Variants in HNMT observed in about 807,000 individuals in gnomAD.
HNMT encodes histamine N-methyltransferase.
A neutral mutation model predicts 32.1 loss-of-function variants in HNMT; 30 were observed. The ratio of observed to expected loss-of-function variants is 0.93; its 90% CI spans 0.70 to 1.27. The LOEUF is 1.27. HNMT is among the 50% of genes most tolerant of loss of function. The pLI is 0.00. For missense variants in HNMT, 327 were observed against 346.0 expected, an observed-to-expected ratio of 0.95 and a Z score of 0.43; for synonymous variants, 125 against 119.0, an observed-to-expected ratio of 1.05 and a Z score of -0.33.
At chr2:138,008,730 A>G (rs1406993454) in intron 5 of HNMT, among the ~76,000 whole-genome samples, 2 of 152,106 alleles carry the variant, frequency 1.3e-5, no homozygotes, top group African/African-American at 4.8e-5. Context: ...CATATGCAGA[A>G]GACTGAAGCC....
At chr2:138,005,303 C>T (rs1681298744) in intron 5 of HNMT, 78 bp downstream of exon 5, 4 of 808,942 alleles carry the variant, frequency 4.9e-6, no homozygotes, top group Non-Finnish European at 8.4e-6. Flanking sequence ...TTGAAAGAAG[C>T]TTATATATTT....
At chr2:137,998,579 CAT>C (rs1174067907) in intron 2 of HNMT, among the ~76,000 whole-genome samples, 1 of 152,148 alleles carries the variant, frequency 6.6e-6, no homozygotes, top group Non-Finnish European at 1.5e-5. Context: ...ATCCAGCACA[CAT>C]GAGCTTATAC....
chr2:137,985,580 A>G (rs1005332892), intron 2 of HNMT, among the ~76,000 whole-genome samples: 2 of 152,180 alleles, frequency 1.3e-5, no homozygotes, highest in Non-Finnish European at 2.9e-5. Flanking sequence ...GAGTCTGTCT[A>G]TGCATTCATG....
chr2:137,976,007 C>A (rs1680275037), intron 2 of HNMT, among the ~76,000 whole-genome samples: 2 of 152,200 alleles, frequency 1.3e-5, no homozygotes, highest in Non-Finnish European at 2.9e-5. Context: ...TGGCTCACGC[C>A]TGTAATCCCA....
chr2:137,967,817 C>CT (rs1382608189), intron 1 of HNMT, among the ~76,000 whole-genome samples: 1 of 152,142 alleles, frequency 6.6e-6, no homozygotes, highest in African/African-American at 2.4e-5. Flanking sequence ...CTATAGCATT[C>CT]TTTTCATCAT....
chr2:137,992,066 C>T (rs1680837624), intron 2 of HNMT: 1 of 152,244 alleles, frequency 6.6e-6, no homozygotes, highest in Non-Finnish European at 1.5e-5. Flanking sequence ...GTGCTTTTTC[C>T]ACAGAATTGT....
intron 2 of HNMT, among the ~76,000 whole-genome samples, chr2:137,996,873 C>T (rs940091480): frequency 1.2e-4 from 18 of 152,124 alleles, no homozygotes; most frequent in African/African-American, 4.3e-4. Context: ...CACCACACAC[C>T]TACAACCATC....
intron 1 of HNMT, 73 bp downstream of exon 1, chr2:137,964,701 C>A: frequency 6.7e-7 from 1 of 1,494,242 alleles, no homozygotes; most frequent in South Asian, 1.1e-5. Flanking sequence ...ATGGGTCTCG[C>A]TCAGCCTCGC....
rs546881550 is a variant in HNMT, at chr2:137,992,967, G to GA, written c.191-7943dup. On this transcript the variant is annotated intron_variant, in intron 2 of 5. Transcript: ENST00000280097. ...CAGAAGAGGGACCTAACCATTGAAA[G>GA]AAAAAAAACAAGCAGAAAGCAACAA... Among the ~76,000 whole-genome samples the GA allele has an allele frequency of 5.0e-3, 764 of 151,640 alleles. 10 individuals are homozygous for GA. Among genetic ancestry groups the GA allele is most frequent in the Admixed American group, 0.035 (528 of 15,234 alleles).
chr2:137,973,569 T>C (rs1680196464), intron 2 of HNMT, among the ~76,000 whole-genome samples: 1 of 152,188 alleles, frequency 6.6e-6, no homozygotes, highest in African/African-American at 2.4e-5. Flanking sequence ...CCCATTTCTG[T>C]CTTAGTTTAC....
intron 2 of HNMT, among the ~76,000 whole-genome samples, chr2:137,973,223 A>C (rs1680186824): frequency 6.6e-6 from 1 of 152,222 alleles, no homozygotes; most frequent in African/African-American, 2.4e-5. Flanking sequence ...CTGTTGCTTG[A>C]AAGAACAGTG....
At chr2:137,968,551 C>T (rs917068018) in intron 1 of HNMT, among the ~76,000 whole-genome samples, 7 of 152,192 alleles carry the variant, frequency 4.6e-5, no homozygotes, top group Non-Finnish European at 4.4e-5. Context: ...TCTTATTTCA[C>T]AGAGATGTCA....
intron 2 of HNMT, among the ~76,000 whole-genome samples, chr2:137,999,122 T>C (rs1016966501): frequency 1.3e-5 from 2 of 152,212 alleles, no homozygotes; most frequent in African/African-American, 4.8e-5. Flanking sequence ...CAAATGTGAC[T>C]TAAACTTCAG....
At chr2:137,997,175 G>A (rs997021206) in intron 2 of HNMT, among the ~76,000 whole-genome samples, 26 of 152,132 alleles carry the variant, frequency 1.7e-4, no homozygotes, top group African/African-American at 6.3e-4. Context: ...TTACAAATGG[G>A]ATCTAATTAA....
chr2:137,978,873 CTT>C (rs1189367860), intron 2 of HNMT, among the ~76,000 whole-genome samples: 3 of 137,254 alleles, frequency 2.2e-5, no homozygotes, highest in South Asian at 2.3e-4. Context: ...ATATAATAGT[CTT>C]ATATAATAAA....
chr2:138,010,159 AT>A (rs1681450677), intron 5 of HNMT, among the ~76,000 whole-genome samples: 1 of 152,040 alleles, frequency 6.6e-6, no homozygotes, highest in Non-Finnish European at 1.5e-5. Flanking sequence ...CTCATGGTAT[AT>A]AGGGAGGCAT....
chr2:137,974,805 A>T (rs1017007296), intron 2 of HNMT, among the ~76,000 whole-genome samples: 4 of 152,212 alleles, frequency 2.6e-5, no homozygotes, highest in African/African-American at 7.2e-5. Flanking sequence ...TAAATTTTTT[A>T]ACCCACTCAA....
chr2:137,974,218 A>G (rs750692126), intron 2 of HNMT, among the ~76,000 whole-genome samples: 25 of 152,310 alleles, frequency 1.6e-4, no homozygotes, highest in Non-Finnish European at 3.1e-4. Context: ...GTTCATGTAT[A>G]TGAGTTTGTG....
intron 2 of HNMT, among the ~76,000 whole-genome samples, chr2:137,989,723 G>C (rs1234004069): frequency 6.6e-6 from 1 of 152,234 alleles, no homozygotes; most frequent in East Asian, 1.9e-4. Context: ...AGCAGCGAAT[G>C]AGAGTTCCTG....
Sources: gnomAD v4.1 joint callset for allele counts (sites outside exome capture counted in the v4.1 genomes callset) on GRCh38, gnomAD v4.1.1 for gene constraint, MANE v1.5 for transcripts, NCBI Gene and HGNC (gene_info 2026-07-23, HGNC 2026-07-21) for gene names.